LPIN3: variants seen among roughly 807,000 people sequenced by gnomAD.
LPIN3 encodes the protein lipin 3.
LPIN3 carries 82 observed loss-of-function variants against 94.7 expected under a neutral mutation model. The observed-to-expected ratio is 0.87, with a 90% confidence interval of 0.72 to 1.04. The LOEUF is 1.04. Among genes scored for constraint, LPIN3 ranks in the 50% least tolerant of loss-of-function variants. The pLI is 0.00. For synonymous variants in LPIN3, 418 were observed against 443.3 expected, an observed-to-expected ratio of 0.94 and a Z score of 0.72; for missense variants, 996 against 1,090.5, an observed-to-expected ratio of 0.91 and a Z score of 1.22.
chr20:41,350,066 T>G lies in LPIN3; in HGVS notation c.771T>G (p.Ala257=), dbSNP rs1214974705. Residue 257 remains alanine, a synonymous_variant, in exon 7 of 20, where the codon GCT becomes GCG. Coordinates refer to ENST00000373257, the MANE Select transcript of LPIN3 (RefSeq NM_022896.3). ...AWGRLPKVAR[A]ERPESSVVLE... The stretch of plus-strand genomic sequence containing the variant: ...TTGTTCCACTAAAGGTGGCCAGAGC[T>G]GAGCGGCCCGAGTCCTCAGTGGTCC... 1.3e-6 allele frequency: 2 copies of G among 1,598,730 alleles called. No homozygotes were observed. The highest frequency in any genetic ancestry group is 1.7e-5 in the Admixed American group (1 of 58,486).
At position 41,349,017 on chromosome 20, in the gene LPIN3, C is replaced by G. The variant is rs367725730; in HGVS notation, c.558-75C>G. 54 of 1,593,726 alleles carry G rather than the reference C, an allele frequency of 3.4e-5. No individual in the cohort carries two copies. In the South Asian group the frequency reaches 5.6e-4, roughly 17 times the overall value. ...GTAGTTGCTTCACCTTACCAAGCCC[C>G]TGATGTCCAGGCTCTCATGCCTGCC... On this transcript the variant is annotated intron_variant, in intron 4 of 19. Coordinates refer to ENST00000373257, the MANE Select transcript of LPIN3 (RefSeq NM_022896.3).
chr20:41,359,959 A>T lies in LPIN3; in HGVS notation c.*1093A>T, dbSNP rs1461605863. 1.3e-5 allele frequency: 2 copies of T among 152,596 alleles called. No individual in the cohort carries two copies. The highest frequency in any genetic ancestry group is 2.9e-5 in the Non-Finnish European group (2 of 68,056). 9.5% of individuals were successfully genotyped at this position (152,596 alleles called of 1,614,324 possible). ...TCCTCCCACTGTCTTTGAAGAAAGT[A>T]GCTTTAGACCGGCTAAAAGCTTTAA... On this transcript the variant is annotated 3_prime_UTR_variant, in exon 20 of 20. Transcript: ENST00000373257.
At chr20:41,341,128 G>C (rs906021008) in intron 1 of LPIN3, 126 bp downstream of exon 1, 6 of 152,414 alleles carry the variant, frequency 3.9e-5, no homozygotes, top group African/African-American at 1.4e-4. Context: ...GTAAGATGGG[G>C]ACGCAGGGGT....
intron 2 of LPIN3, among the ~76,000 whole-genome samples, chr20:41,347,228 G>A (rs1228360771): frequency 6.6e-6 from 1 of 152,248 alleles, no homozygotes; most frequent in Non-Finnish European, 1.5e-5. Context: ...TTATGGATGT[G>A]AGAGACAGAG....
intron 1 of LPIN3, among the ~76,000 whole-genome samples, chr20:41,344,739 G>C (rs942967753): frequency 1.3e-5 from 2 of 152,212 alleles, no homozygotes; most frequent in Admixed American, 1.3e-4. Context: ...GGTCTGGCTG[G>C]GGGAGGGAGC....
In LPIN3 at chr20:41,357,151, A is replaced by G. The variant is rs762352124; in HGVS notation, c.1915A>G (p.Lys639Glu). 69 of 1,614,058 alleles carry G rather than the reference A, an allele frequency of 4.3e-5. No homozygotes were observed. The highest frequency in any genetic ancestry group is 3.3e-4 in the Middle Eastern group (2 of 6,076). The change falls in exon 15 of 20, where the codon AAG becomes GAG. Residue 639 changes from lysine (K) to glutamate (E), a missense_variant. Transcript: ENST00000373257. ...ATIYLWKWDDKVVISDIDGTI... is the reference protein window; with the variant it reads ...ATIYLWKWDDEVVISDIDGTI... The stretch of plus-strand genomic sequence containing the variant: ...CATCTACCTGTGGAAATGGGACGAC[A>G]AGGTGGTCATCTCTGACATCGACGG...
intron 11 of LPIN3, among the ~76,000 whole-genome samples, chr20:41,354,068 A>C (rs2046121344): frequency 6.6e-6 from 1 of 152,222 alleles, no homozygotes; most frequent in South Asian, 2.1e-4. Flanking sequence ...TGTGTCCCCC[A>C]GATGGGACTT....
rs75257468 is a variant in LPIN3 at position 41,359,123 on chromosome 20, CTT to C, written c.*281_*282del. ...TTGTCATCTGGGCCCTTGCAGGGTT[CTT>C]TTTTTTTTTTTTTTTTTTTTTTTCC... On this transcript the variant is annotated 3_prime_UTR_variant, in exon 20 of 20. Transcript: ENST00000373257. 3.4e-3 allele frequency: 259 copies of C among 76,968 alleles called. No homozygotes were observed. Among genetic ancestry groups the C allele is most frequent in the South Asian group, 8.8e-3 (20 of 2,282 alleles). The allele number at this position is 76,968 out of a possible 1,614,324, so 4.8% of individuals were successfully genotyped here.
intron 13 of LPIN3, among the ~76,000 whole-genome samples, chr20:41,355,666 G>C (rs1271198746): frequency 2.0e-5 from 3 of 152,188 alleles, no homozygotes; most frequent in Non-Finnish European, 4.4e-5. Context: ...CTGAGGGCTG[G>C]CAACCCTGGG....
In LPIN3 at chr20:41,349,860, C is replaced by G; in HGVS notation, c.725C>G (p.Ser242Cys). Residue 242 changes from serine to cysteine, a missense_variant, in exon 6 of 20, where the codon TCC becomes TGC. By Grantham distance (112) the Ser-to-Cys change is moderately radical. Coordinates refer to ENST00000373257, the MANE Select transcript of LPIN3 (RefSeq NM_022896.3). ...GAGCCCAGTCCCCTAAGAGCCGAGT[C>G]CCACATGCAGTGGGCCTGGGGGAGG... The part of the protein sequence containing the change: ...TPEPSPLRAE[S>C]HMQWAWGRLP... The G allele has an allele frequency of 6.2e-7, 1 of 1,613,554 alleles. No individual in the cohort carries two copies. Among genetic ancestry groups the G allele is most frequent in the South Asian group, 1.1e-5 (1 of 91,048 alleles).
intron 14 of LPIN3, 91 bp downstream of exon 14, chr20:41,356,125 G>A: frequency 6.6e-7 from 1 of 1,520,856 alleles, no homozygotes; most frequent in South Asian, 1.3e-5. Context: ...AATGGCTCCA[G>A]GGAGCCACAT....
chr20:41,357,167 A>C lies in LPIN3; in HGVS notation c.1931A>C (p.Asp644Ala), dbSNP rs763260872. The C allele has an allele frequency of 6.2e-7, 1 of 1,614,038 alleles. No individual in the cohort carries two copies. Among genetic ancestry groups the C allele is most frequent in the South Asian group, 1.1e-5 (1 of 91,074 alleles). The change falls in exon 15 of 20, where the codon GAC becomes GCC. Residue 644 changes from aspartate to alanine, a missense_variant. Transcript: ENST00000373257. ...WKWDDKVVIS[D>A]IDGTITKSDA... ...TGGGACGACAAGGTGGTCATCTCTG[A>C]CATCGACGGCACCATCACCAAGTGA...
intron 7 of LPIN3, among the ~76,000 whole-genome samples, chr20:41,351,300 A>AT (rs149694237): frequency 0.26 from 35,779 of 135,946 alleles, 5,003 homozygotes; most frequent in African/African-American, 0.37. Flanking sequence ...ATAAAATTCC[A>AT]TTTTTTTTTT....
intron 7 of LPIN3, among the ~76,000 whole-genome samples, chr20:41,351,530 T>G (rs1474442959): frequency 6.6e-6 from 1 of 151,836 alleles, no homozygotes; most frequent in African/African-American, 2.4e-5. Flanking sequence ...CCCCTGACTT[T>G]GTGATCCACC....
In LPIN3 at chr20:41,350,320, C is replaced by T. The variant is rs1461451056; in HGVS notation, c.1025C>T (p.Ala342Val). ...QSSGDMGLPP[A>V]SKSWSWATLE... ...TCTGGGGACATGGGCCTCCCTCCTG[C>T]CTCCAAGTCATGGAGCTGGGCCACT... The change falls in exon 7 of 20, where the codon GCC (alanine) becomes GTC (valine). Residue 342 changes from alanine to valine, a missense_variant. Coordinates refer to ENST00000373257, the MANE Select transcript of LPIN3 (RefSeq NM_022896.3). 5 of 1,611,308 alleles carry T rather than the reference C, an allele frequency of 3.1e-6. No individual in the cohort carries two copies. Among genetic ancestry groups the T allele is most frequent in the African/African-American group, 1.3e-5 (1 of 74,882 alleles).
intron 3 of LPIN3, among the ~76,000 whole-genome samples, chr20:41,348,096 C>A (rs1318525988): frequency 6.6e-6 from 1 of 152,138 alleles, no homozygotes; most frequent in Non-Finnish European, 1.5e-5. Context: ...CAGCAGAAGC[C>A]AGCAGAGGAG....
At position 41,357,083 on chromosome 20, in the gene LPIN3, G is replaced by T; in HGVS notation, c.1847G>T (p.Ser616Ile). ...LQEGANDVVF[S>I]VTTQYQGTCR... ...GAAGGTGCCAATGATGTGGTCTTCA[G>T]CGTGACCACTCAGTACCAGGGCACC... Residue 616 changes from serine (S) to isoleucine (I), a missense_variant, in exon 15 of 20, where the codon AGC becomes ATC. Ser to Ile is a moderately radical substitution (Grantham distance 142). Transcript: ENST00000373257. 6.2e-7 allele frequency: 1 copy of T among 1,614,052 alleles called. No individual in the cohort carries two copies. Among genetic ancestry groups the T allele is most frequent in the Non-Finnish European group, 8.5e-7 (1 of 1,179,988 alleles).
At chr20:41,354,534 C>G in intron 11 of LPIN3, 111 bp from the exon 12 acceptor site, 3 of 1,022,912 alleles carry the variant, frequency 2.9e-6, no homozygotes, top group Non-Finnish European at 4.2e-6. Context: ...AGCACCTTAC[C>G]CTAGGGTTGG....
At chr20:41,349,248 C>T (rs1174154479) in intron 5 of LPIN3, 76 bp downstream of exon 5, 2 of 1,274,272 alleles carry the variant, frequency 1.6e-6, no homozygotes, top group African/African-American at 1.5e-5. Context: ...TTCCTGATGA[C>T]TAATGACACA....
Sources: allele counts gnomAD v4.1 joint callset (sites outside exome capture counted in the v4.1 genomes callset), GRCh38; gene constraint gnomAD v4.1.1; transcripts MANE v1.5; gene names NCBI Gene and HGNC (gene_info 2026-07-23, HGNC 2026-07-21).